ELP4: variants seen among roughly 807,000 people sequenced by gnomAD.
The protein encoded by ELP4 is elongator acetyltransferase complex subunit 4.
In ELP4, 51 loss-of-function variants were observed where a neutral mutation model predicts 48.9. That is an observed-to-expected ratio of 1.04 (90% CI 0.83 to 1.32). The LOEUF is 1.32. Ranked by LOEUF, ELP4 falls within the 40% of genes most tolerant of loss-of-function variation. ELP4 has a pLI of 0.00. For synonymous variants in ELP4, 210 were observed against 189.2 expected (o/e 1.11, Z -0.90); for missense variants, 519 against 514.6 (o/e 1.01, Z -0.08).
At chr11:31,588,641 T>G (rs1257824068) in intron 3 of ELP4, among the ~76,000 whole-genome samples, 2 of 152,154 alleles carry the variant, frequency 1.3e-5, no homozygotes, top group Admixed American at 1.3e-4. Flanking sequence ...AACTTTTATG[T>G]TTTTCAAAAT....
In ELP4 at chr11:31,617,913, G is replaced by A. The variant is rs896883375; in HGVS notation, c.654-9197G>A. ...GTCTTTTGGACTGGTACACTCTGGC[G>A]TTTCTCAAAAAGTTAAAGTTACCAT... On this transcript the variant is annotated intron_variant, in intron 5 of 9. Transcript: ENST00000640961. Among the ~76,000 whole-genome samples, 6 of 151,926 alleles carry A rather than the reference G, an allele frequency of 3.9e-5. No homozygotes were observed. In the East Asian group the frequency reaches 5.8e-4, roughly 15 times the overall value.
At position 31,787,079 on chromosome 11, in the gene ELP4, T is replaced by G. The variant is rs902780706; in HGVS notation, c.*3555T>G. 4 of 231,200 alleles carry G rather than the reference T, an allele frequency of 1.7e-5. No homozygotes were observed. The highest frequency in any genetic ancestry group is 3.4e-5 in the Non-Finnish European group (4 of 116,822). The allele number at this position is 231,200 out of a possible 1,614,324, so 14.3% of individuals were successfully genotyped here. On this transcript the variant is annotated 3_prime_UTR_variant, in exon 10 of 10. Coordinates refer to ENST00000640961, the MANE Select transcript of ELP4 (RefSeq NM_019040.5). Reference sequence around the variant, plus strand: ...GAGTAAAAGGCCAACTCCCAGGCACTGCTACCACACAGAGCCTGCCATGCT... The same window carrying G: ...GAGTAAAAGGCCAACTCCCAGGCACGGCTACCACACAGAGCCTGCCATGCT...
At chr11:31,520,023 A>G in intron 1 of ELP4, 33 bp from the exon 2 acceptor site, 3 of 1,608,482 alleles carry the variant, frequency 1.9e-6, no homozygotes, top group Middle Eastern at 1.7e-4. Flanking sequence ...GAAAAGGTAA[A>G]TTAATTTTCT....
At chr11:31,631,334 T>C (rs776494511) in intron 6 of ELP4, among the ~76,000 whole-genome samples, 7 of 152,174 alleles carry the variant, frequency 4.6e-5, no homozygotes, top group Non-Finnish European at 7.4e-5. Flanking sequence ...TTCCAAATTA[T>C]GGCTTTAAGA....
At chr11:31,544,810 A>T (rs942784192) in intron 3 of ELP4, among the ~76,000 whole-genome samples, 3 of 152,184 alleles carry the variant, frequency 2.0e-5, no homozygotes, top group Non-Finnish European at 4.4e-5. Context: ...CAAAACTTCC[A>T]GAGGAACGAT....
chr11:31,534,030 G>A (rs1370380395), intron 2 of ELP4, among the ~76,000 whole-genome samples: 1 of 151,530 alleles, frequency 6.6e-6, no homozygotes, highest in African/African-American at 2.4e-5. Flanking sequence ...CTAGAGACGG[G>A]TTTCACCATG....
chr11:31,571,616 A>G (rs919455416), intron 3 of ELP4, among the ~76,000 whole-genome samples: 2 of 152,230 alleles, frequency 1.3e-5, no homozygotes, highest in South Asian at 4.1e-4. Flanking sequence ...ATCACTATCT[A>G]TAGCAGCAAT....
intron 3 of ELP4, among the ~76,000 whole-genome samples, chr11:31,557,215 T>C (rs1419385583): frequency 6.6e-6 from 1 of 151,840 alleles, no homozygotes; most frequent in Non-Finnish European, 1.5e-5. Context: ...TAAAATAATA[T>C]CTTAATAATT....
intron 9 of ELP4, among the ~76,000 whole-genome samples, chr11:31,721,114 A>G (rs1946950943): frequency 6.6e-6 from 1 of 152,214 alleles, no homozygotes. Flanking sequence ...TGCCAAGTAC[A>G]TATTCAGGCT....
At chr11:31,647,511 T>A (rs1298343081) in intron 7 of ELP4, 2 of 353,054 alleles carry the variant, frequency 5.7e-6, no homozygotes, top group Admixed American at 8.8e-5. Context: ...ATTTATGTTT[T>A]CCCTTCAGTT....
intron 8 of ELP4, chr11:31,649,871 A>G (rs1316879810): frequency 6.0e-6 from 2 of 336,014 alleles, no homozygotes; most frequent in Admixed American, 4.8e-5. Context: ...CCCTCTTTAC[A>G]TCTGTACTTC....
chr11:31,740,084 A>G (rs1348867308), intron 9 of ELP4, among the ~76,000 whole-genome samples: 1 of 152,216 alleles, frequency 6.6e-6, no homozygotes, highest in Admixed American at 6.5e-5. Flanking sequence ...CAGTTGAAAA[A>G]ACTATATAGC....
intron 3 of ELP4, among the ~76,000 whole-genome samples, chr11:31,559,509 T>G (rs1956980552): frequency 6.6e-6 from 1 of 152,204 alleles, no homozygotes; most frequent in Non-Finnish European, 1.5e-5. Context: ...TTATTCTTTT[T>G]AAAACAAAGT....
At chr11:31,621,711 G>A (rs924508836) in intron 5 of ELP4, among the ~76,000 whole-genome samples, 1 of 151,820 alleles carries the variant, frequency 6.6e-6, no homozygotes, top group Non-Finnish European at 1.5e-5. Flanking sequence ...CTTGGTGGAG[G>A]CCTCCATCAG....
chr11:31,630,306 A>G (rs1419865683), intron 6 of ELP4, among the ~76,000 whole-genome samples: 1 of 145,144 alleles, frequency 6.9e-6, no homozygotes, highest in Non-Finnish European at 1.5e-5. Context: ...ATTGAATTAT[A>G]GAGCAACAAT....
At position 31,647,780 on chromosome 11, in the gene ELP4, G is replaced by A. The variant is rs1945235223; in HGVS notation, c.967G>A (p.Val323Ile). The A allele has an allele frequency of 1.2e-6, 2 of 1,609,728 alleles. No homozygotes were observed. The highest frequency in any genetic ancestry group is 1.7e-6 in the Non-Finnish European group (2 of 1,176,980). The change falls in exon 8 of 10, where the codon GTA (valine) becomes ATA (isoleucine). Residue 323 changes from valine to isoleucine, a missense_variant. Coordinates refer to ENST00000640961, the MANE Select transcript of ELP4 (RefSeq NM_019040.5). ...IIARVTTLSD[V>I]VVGLESFIGS... The stretch of plus-strand genomic sequence containing the variant: ...TGCCCGTGTCACAACCTTGTCAGAT[G>A]TAGTAGTTGGTCTGGAATCATTTAT...
chr11:31,666,196 A>G (rs1377222453), intron 9 of ELP4, among the ~76,000 whole-genome samples: 1 of 151,534 alleles, frequency 6.6e-6, no homozygotes. Flanking sequence ...TTCAGTAGAG[A>G]CAAGGTTTCA....
intron 3 of ELP4, among the ~76,000 whole-genome samples, chr11:31,583,731 TA>T (rs1327985472): frequency 3.3e-5 from 5 of 152,242 alleles, no homozygotes; most frequent in Non-Finnish European, 4.4e-5. Flanking sequence ...TAAAACTTCA[TA>T]TAGTAAACAA....
At chr11:31,572,620 CTAAGA>C (rs1957207895) in intron 3 of ELP4, among the ~76,000 whole-genome samples, 1 of 152,126 alleles carries the variant, frequency 6.6e-6, no homozygotes, top group Non-Finnish European at 1.5e-5. Context: ...ATCTGTCTAT[CTAAGA>C]TGTTACCAGT....
Sources: allele counts gnomAD v4.1 joint callset (sites outside exome capture counted in the v4.1 genomes callset), GRCh38; gene constraint gnomAD v4.1.1; transcripts MANE v1.5; gene names NCBI Gene and HGNC (gene_info 2026-07-23, HGNC 2026-07-21).